PIK3AP1: variants seen among roughly 807,000 people sequenced by gnomAD.
The protein encoded by PIK3AP1 is phosphoinositide 3-kinase adapter protein 1.
Under a neutral mutation model 88.1 loss-of-function variants are expected in PIK3AP1, and 21 were observed. The observed-to-expected ratio is 0.24, with a 90% CI of 0.17 to 0.34. The LOEUF is 0.34. PIK3AP1 is among the 10% of genes least tolerant of loss of function. The pLI, the probability that PIK3AP1 is intolerant of heterozygous loss-of-function variation, is 1.00. For missense variants in PIK3AP1, 828 were observed against 1,035.7 expected (o/e 0.80, Z 2.75); for synonymous variants, 398 against 400.0 (o/e 1.00, Z 0.06).
At chr10:96,656,066 G>A (rs754946264) in intron 3 of PIK3AP1, among the ~76,000 whole-genome samples, 10 of 152,308 alleles carry the variant, frequency 6.6e-5, no homozygotes, top group African/African-American at 1.9e-4. Context: ...AGGCTCCCAC[G>A]CTGTCTCGCC....
chr10:96,629,395 A>T (rs1349333401), intron 8 of PIK3AP1, among the ~76,000 whole-genome samples: 3 of 152,136 alleles, frequency 2.0e-5, no homozygotes, highest in Non-Finnish European at 4.4e-5. Flanking sequence ...GAGGACTATA[A>T]CTGGAACCAT....
intron 8 of PIK3AP1, among the ~76,000 whole-genome samples, chr10:96,644,298 A>G (rs1843430322): frequency 6.6e-6 from 1 of 152,258 alleles, no homozygotes. Flanking sequence ...AGACATACAC[A>G]TAAGTTTTAA....
At chr10:96,680,962 G>C (rs1415843616) in intron 2 of PIK3AP1, among the ~76,000 whole-genome samples, 1 of 152,234 alleles carries the variant, frequency 6.6e-6, no homozygotes, top group Non-Finnish European at 1.5e-5. Flanking sequence ...TCACCTACGA[G>C]TGTTATCCAT....
At chr10:96,695,415 A>T (rs1312838550) in intron 2 of PIK3AP1, among the ~76,000 whole-genome samples, 1 of 152,218 alleles carries the variant, frequency 6.6e-6, no homozygotes, top group Non-Finnish European at 1.5e-5. Flanking sequence ...CTGTACATGT[A>T]AAAAGAAACT....
At chr10:96,654,368 G>T (rs1014317223) in intron 3 of PIK3AP1, among the ~76,000 whole-genome samples, 2 of 152,104 alleles carry the variant, frequency 1.3e-5, no homozygotes, top group Admixed American at 1.3e-4. Context: ...TTCCTCCTAA[G>T]ACTCTGCTAT....
chr10:96,602,480 C>T lies in PIK3AP1; in HGVS notation c.2242-82G>A, dbSNP rs910680172. On this transcript the variant is annotated intron_variant, in intron 15 of 16. Coordinates refer to ENST00000339364, the MANE Select transcript of PIK3AP1 (RefSeq NM_152309.3). Reference sequence around the variant, plus strand: ...CTGGACAACCGTAACTCAAAAGCCCCTTGGTCCTCCTTAGGCTGGGGCTGA... The same window carrying T: ...CTGGACAACCGTAACTCAAAAGCCCTTTGGTCCTCCTTAGGCTGGGGCTGA... 15 of 1,184,956 alleles carry T rather than the reference C, an allele frequency of 1.3e-5. No homozygotes were observed. The Admixed American group carries it at 2.5e-4, about 20-fold the overall frequency. The allele number at this position is 1,184,956 out of a possible 1,614,324, so 73.4% of individuals were successfully genotyped here. A position where few individuals can be genotyped will look rare whatever the true frequency, so the allele number is the denominator to read the frequency against.
chr10:96,676,471 G>A (rs768260108), intron 2 of PIK3AP1, among the ~76,000 whole-genome samples: 7 of 151,852 alleles, frequency 4.6e-5, no homozygotes, highest in East Asian at 1.9e-4. Context: ...GAGCCAGCTC[G>A]GGCCTCTCCC....
At chr10:96,695,020 G>A (rs1844202762) in intron 2 of PIK3AP1, among the ~76,000 whole-genome samples, 3 of 152,110 alleles carry the variant, frequency 2.0e-5, no homozygotes, top group South Asian at 4.1e-4. Flanking sequence ...CCTAATTCAA[G>A]TGACTACAAA....
chr10:96,699,339 C>T (rs1048069243), intron 2 of PIK3AP1, among the ~76,000 whole-genome samples: 1 of 152,036 alleles, frequency 6.6e-6, no homozygotes, highest in Non-Finnish European at 1.5e-5. Flanking sequence ...AAAACACATA[C>T]TAAATTTCAA....
At chr10:96,612,260 C>G (rs983202117) in intron 13 of PIK3AP1, among the ~76,000 whole-genome samples, 2 of 152,196 alleles carry the variant, frequency 1.3e-5, no homozygotes, top group African/African-American at 2.4e-5. Context: ...GGCCATGGCT[C>G]TCACCAGCCC....
intron 2 of PIK3AP1, among the ~76,000 whole-genome samples, chr10:96,686,701 G>A (rs487677): frequency 0.096 from 14,528 of 151,982 alleles, 2,191 homozygotes; most frequent in African/African-American, 0.32. Context: ...ACCATCCTCT[G>A]TTAAATACAG....
intron 2 of PIK3AP1, among the ~76,000 whole-genome samples, chr10:96,658,096 GGA>G (rs1843640213): frequency 6.6e-6 from 1 of 151,726 alleles, no homozygotes; most frequent in African/African-American, 2.4e-5. Context: ...ATGGTTGAGA[GGA>G]GAGAGAAGTT....
chr10:96,632,534 C>T (rs1843258967), intron 8 of PIK3AP1, among the ~76,000 whole-genome samples: 1 of 147,630 alleles, frequency 6.8e-6, no homozygotes, highest in Non-Finnish European at 1.5e-5. Context: ...AAGTACCTTC[C>T]ACAGACACTG....
chr10:96,653,581 A>G (rs1036361023), intron 3 of PIK3AP1, among the ~76,000 whole-genome samples: 10 of 126,796 alleles, frequency 7.9e-5, no homozygotes, highest in Non-Finnish European at 1.3e-4. Flanking sequence ...CCACCTTCCC[A>G]GGTTCAAGCG....
intron 2 of PIK3AP1, among the ~76,000 whole-genome samples, chr10:96,690,248 G>A (rs1844133391): frequency 6.6e-6 from 1 of 152,040 alleles, no homozygotes; most frequent in Non-Finnish European, 1.5e-5. Flanking sequence ...ATTTGTCAAT[G>A]CTGAGCCTCT....
chr10:96,686,209 T>C (rs1713980579), intron 2 of PIK3AP1, among the ~76,000 whole-genome samples: 1 of 152,176 alleles, frequency 6.6e-6, no homozygotes. Flanking sequence ...ATCACTCTGT[T>C]CCAAAGCTGC....
At chr10:96,603,763 C>A in intron 15 of PIK3AP1, 1 of 500,334 alleles carries the variant, frequency 2.0e-6, no homozygotes, top group Non-Finnish European at 3.6e-6. Context: ...ACACCTGTCC[C>A]CATTAAGCAG....
chr10:96,705,891 T>A (rs1207587927), intron 2 of PIK3AP1, among the ~76,000 whole-genome samples: 3 of 128,392 alleles, frequency 2.3e-5, no homozygotes, highest in East Asian at 4.3e-4. Flanking sequence ...GTTGTTTTTT[T>A]TTTTTTTTTT....
intron 14 of PIK3AP1, among the ~76,000 whole-genome samples, chr10:96,604,420 A>G (rs1848967308): frequency 7.5e-6 from 1 of 132,588 alleles, no homozygotes; most frequent in African/African-American, 2.9e-5. Flanking sequence ...CTGGTCTTCA[A>G]CTCTTGGGCT....
Sources: allele counts gnomAD v4.1 joint callset (sites outside exome capture counted in the v4.1 genomes callset), GRCh38; gene constraint gnomAD v4.1.1; transcripts MANE v1.5; gene names NCBI Gene and HGNC (gene_info 2026-07-23, HGNC 2026-07-21).